The following ECT2 variants were observed in gnomAD, a reference collection of about 807,000 sequenced individuals.
The protein encoded by ECT2 is protein ECT2.
Under a neutral mutation model 116.9 loss-of-function variants are expected in ECT2, and 61 were observed. The observed-to-expected ratio is 0.52, with a 90% CI of 0.42 to 0.65. The LOEUF (loss-of-function observed/expected upper bound fraction) is 0.65. Ranked by LOEUF, ECT2 falls within the 30% of genes least tolerant of loss-of-function variation. The pLI, the probability that ECT2 is intolerant of heterozygous loss-of-function variation, is 0.00. For synonymous variants in ECT2, 358 were observed against 346.4 expected, an observed-to-expected ratio of 1.03 and a Z score of -0.37; for missense variants, 937 against 1,078.7, an observed-to-expected ratio of 0.87 and a Z score of 1.84.
chr3:172,769,253 A>G, intron 13 of ECT2, 110 bp downstream of exon 13: 3 of 1,083,382 alleles, frequency 2.8e-6, no homozygotes, highest in South Asian at 3.7e-5. Flanking sequence ...GTATTTGAAC[A>G]TGGATGTTAA....
rs185987622 is a variant in ECT2 at position 172,759,003 on chromosome 3, G to A, written c.510G>A (p.Pro170=). 106 of 1,610,506 alleles carry A rather than the reference G, an allele frequency of 6.6e-5. No individual in the cohort carries two copies. Among genetic ancestry groups the A allele is most frequent in the Non-Finnish European group, 8.2e-5 (97 of 1,179,038 alleles). Residue 170 remains proline (P), a synonymous_variant, in exon 6 of 25, where the codon CCG becomes CCA. Transcript: ENST00000392692. The part of the protein sequence containing the change: ...KGEPLPFSCR[P]LYCTSMMNLV... ...AGCCTTTGCCATTTTCATGTCGCCCGTTGTATTGTACAAGTATGATGAATC... is the reference window on the plus strand; with the variant it reads ...AGCCTTTGCCATTTTCATGTCGCCCATTGTATTGTACAAGTATGATGAATC...
chr3:172,763,928 G>T (rs1358953359), intron 11 of ECT2, among the ~76,000 whole-genome samples: 2 of 152,216 alleles, frequency 1.3e-5, no homozygotes, highest in Non-Finnish European at 2.9e-5. Context: ...ATATTGGAAA[G>T]CATTGTGTCC....
intron 22 of ECT2, among the ~76,000 whole-genome samples, chr3:172,811,890 C>G (rs1421056459): frequency 6.6e-6 from 1 of 152,084 alleles, no homozygotes; most frequent in African/African-American, 2.4e-5. Context: ...TCTCATACCC[C>G]TGTCTGGCTA....
At chr3:172,781,205 A>T (rs1255883185) in intron 14 of ECT2, among the ~76,000 whole-genome samples, 1 of 152,196 alleles carries the variant, frequency 6.6e-6, no homozygotes, top group Non-Finnish European at 1.5e-5. Flanking sequence ...ATAATTTCCC[A>T]AACAAAAATA....
At chr3:172,790,259 T>C (rs1287408917) in intron 18 of ECT2, among the ~76,000 whole-genome samples, 2 of 152,224 alleles carry the variant, frequency 1.3e-5, no homozygotes, top group Non-Finnish European at 2.9e-5. Context: ...AGTTCAAGTT[T>C]AATAGAAACT....
intron 18 of ECT2, among the ~76,000 whole-genome samples, chr3:172,796,794 G>C (rs1157061052): frequency 6.6e-6 from 1 of 152,066 alleles, no homozygotes; most frequent in Non-Finnish European, 1.5e-5. Flanking sequence ...TGCCTCCTGA[G>C]TAGCTGGGAT....
chr3:172,772,467 A>ATT, intron 13 of ECT2, among the ~76,000 whole-genome samples: 1 of 152,318 alleles, frequency 6.6e-6, no homozygotes, highest in Middle Eastern at 3.4e-3. Flanking sequence ...CAGTGCTGGG[A>ATT]TTACATGCAT....
rs992130537 is a variant in ECT2 at position 172,820,057 on chromosome 3, A to G, written c.2656-91A>G. The stretch of plus-strand genomic sequence containing the variant: ...CTTAATTGTTACAGTAATTTGTAAA[A>G]TGTAAAAATAATAGGCATGATACTG... On this transcript the variant is annotated intron_variant, in intron 24 of 24. Transcript: ENST00000392692. 4 of 836,482 alleles carry G rather than the reference A, an allele frequency of 4.8e-6. No individual in the cohort carries two copies. The African/African-American group carries it at 7.1e-5, about 15-fold the overall frequency. 51.8% of individuals were successfully genotyped at this position (836,482 alleles called of 1,614,324 possible). A position where few individuals can be genotyped will look rare whatever the true frequency, so the allele number is the denominator to read the frequency against.
intron 7 of ECT2, 83 bp from the exon 8 acceptor site, chr3:172,761,527 A>G (rs1718295128): frequency 1.1e-6 from 1 of 938,386 alleles, no homozygotes; most frequent in Admixed American, 2.3e-5. Flanking sequence ...AAAACTGCAA[A>G]AAATTAAGTA....
At position 172,763,027 on chromosome 3, in the gene ECT2, A is replaced by G. The variant is rs1718643245; in HGVS notation, c.1068+55A>G. 7.0e-6 allele frequency: 11 copies of G among 1,573,624 alleles called. No homozygotes were observed. The East Asian group carries it at 2.5e-4, about 35-fold the overall frequency. ...CTGTGAGCTTGATTGTTTGAAAATA[A>G]CACTTTTCTGTCCAGAAGGTTTAGA... On this transcript the variant is annotated intron_variant, in intron 11 of 24. Coordinates refer to ENST00000392692, the MANE Select transcript of ECT2 (RefSeq NM_001258315.2).
chr3:172,803,309 T>C (rs1727066919), intron 20 of ECT2, among the ~76,000 whole-genome samples: 2 of 152,162 alleles, frequency 1.3e-5, no homozygotes, highest in Admixed American at 1.3e-4. Context: ...TAATTCTGAG[T>C]TTTTTGAAAT....
rs1230376240 is a variant in ECT2, at chr3:172,820,262, A to G, written c.*25A>G. 2 of 1,525,958 alleles carry G rather than the reference A, an allele frequency of 1.3e-6. No homozygotes were observed. The highest frequency in any genetic ancestry group is 9.0e-7 in the Non-Finnish European group (1 of 1,109,958). 94.5% of individuals were successfully genotyped at this position (1,525,958 alleles called of 1,614,324 possible). On this transcript the variant is annotated 3_prime_UTR_variant, in exon 25 of 25. Transcript: ENST00000392692. The stretch of plus-strand genomic sequence containing the variant: ...AAGCGTTACCAAAATCTTAAATTAT[A>G]GAAATGTATAGACACCTCATACTCA...
At chr3:172,826,636 A>G in the ECT2 span, among the ~76,000 whole-genome samples, 9 of 152,328 alleles carry the variant, frequency 5.9e-5, no homozygotes, top group African/African-American at 2.2e-4. Flanking sequence ...TGCATGCTAC[A>G]GAGAAATCTT....
At position 172,805,564 on chromosome 3, in the gene ECT2, A is replaced by G. The variant is rs374668165; in HGVS notation, c.2107-167A>G. On this transcript the variant is annotated intron_variant, in intron 20 of 24. Transcript: ENST00000392692. Reference sequence around the variant, plus strand: ...ATGAACATTTCTGCTATACAATTACATGTTTGACTTTTGTTACATAGTAAC... The same window carrying G: ...ATGAACATTTCTGCTATACAATTACGTGTTTGACTTTTGTTACATAGTAAC... Among the ~76,000 whole-genome samples the G allele has an allele frequency of 1.7e-4, 26 of 152,270 alleles. No homozygotes were observed. The East Asian group carries it at 4.2e-3, about 25-fold the overall frequency.
rs1438657126 is a variant in ECT2, at chr3:172,816,836, C to A, written c.2654C>A (p.Ala885Glu). The A allele has an allele frequency of 6.4e-7, 1 of 1,564,538 alleles. No individual in the cohort carries two copies. Among genetic ancestry groups the A allele is most frequent in the Admixed American group, 1.7e-5 (1 of 58,502 alleles). The part of the protein sequence containing the change: ...MSRLSSTSSL[A>E]GIPSPSLVSL... Reference sequence around the variant, plus strand: ...CGTCTTTCTAGCACATCATCATTAGCAGTAAGTTATTTTGATTTAATGGGG... The same window carrying A: ...CGTCTTTCTAGCACATCATCATTAGAAGTAAGTTATTTTGATTTAATGGGG... The change falls in exon 24 of 25, where the codon GCA becomes GAA. Residue 885 changes from alanine to glutamate, a missense_variant and splice_region_variant. Physicochemically the swap from Ala to Glu is moderately radical, Grantham distance 107. Transcript: ENST00000392692.
chr3:172,781,929 G>C (rs1023324986), intron 14 of ECT2, among the ~76,000 whole-genome samples: 1 of 152,144 alleles, frequency 6.6e-6, no homozygotes, highest in Non-Finnish European at 1.5e-5. Flanking sequence ...ATATTGGAAA[G>C]TTAGGCTTAT....
At chr3:172,805,706 A>C in intron 20 of ECT2, 25 bp from the exon 21 acceptor site, 4 of 1,608,076 alleles carry the variant, frequency 2.5e-6, no homozygotes, top group Non-Finnish European at 3.4e-6. Flanking sequence ...TTATTGACTG[A>C]TACTTTTTTA....
intron 17 of ECT2, 76 bp downstream of exon 17, chr3:172,784,879 CT>C: frequency 2.1e-6 from 2 of 952,126 alleles, no homozygotes; most frequent in South Asian, 3.9e-5. Context: ...TGAATTTCTT[CT>C]CATTTTTAGA....
intron 22 of ECT2, among the ~76,000 whole-genome samples, chr3:172,814,225 G>A (rs1729288372): frequency 6.6e-6 from 1 of 152,028 alleles, no homozygotes; most frequent in Non-Finnish European, 1.5e-5. Context: ...GTGGAGAGCT[G>A]AAGCAAGCAT....
Sources: allele counts gnomAD v4.1 joint callset (sites outside exome capture counted in the v4.1 genomes callset), GRCh38; gene constraint gnomAD v4.1.1; transcripts MANE v1.5; gene names NCBI Gene and HGNC (gene_info 2026-07-23, HGNC 2026-07-21).